Variants in SLC27A6 observed in about 807,000 individuals in gnomAD.
SLC27A6 encodes long-chain fatty acid transport protein 6.
In SLC27A6, 74 loss-of-function variants were observed where a neutral mutation model predicts 63.9. That is an observed-to-expected ratio of 1.16 (90% CI 0.96 to 1.40). SLC27A6 has a LOEUF of 1.40. Among genes scored for constraint, SLC27A6 ranks in the 40% most tolerant of loss-of-function variants. The probability of loss-of-function intolerance (pLI) is 0.00; values close to 1 mark genes in which losing one functional copy is unlikely to be tolerated. For synonymous variants in SLC27A6, 287 were observed against 260.8 expected, an observed-to-expected ratio of 1.10 and a Z score of -0.97; for missense variants, 794 against 732.9, an observed-to-expected ratio of 1.08 and a Z score of -0.96.
At position 129,009,474 on chromosome 5, in the gene SLC27A6, C is replaced by A. The variant is rs574937367; in HGVS notation, c.970-6411C>A. ...TGATAGTTTAAAAATATGTTTATAACCAGTTTTTAAAGTATTGTAAAGAAG... is the reference window on the plus strand; with the variant it reads ...TGATAGTTTAAAAATATGTTTATAAACAGTTTTTAAAGTATTGTAAAGAAG... On this transcript the variant is annotated intron_variant, in intron 4 of 9. Coordinates refer to ENST00000262462, the MANE Select transcript of SLC27A6 (RefSeq NM_001017372.3). Among the ~76,000 whole-genome samples the A allele has an allele frequency of 2.6e-5, 4 of 152,122 alleles. No homozygotes were observed. In the East Asian group the frequency reaches 7.7e-4, roughly 29 times the overall value.
rs146618122 is a variant in SLC27A6, at chr5:128,982,094, A to G, written c.482-3039A>G. Among the ~76,000 whole-genome samples the G allele has an allele frequency of 2.4e-3, 370 of 152,252 alleles. 2 individuals are homozygous for G. The highest frequency in any genetic ancestry group is 8.5e-3 in the African/African-American group (354 of 41,560). On this transcript the variant is annotated intron_variant, in intron 1 of 9. Coordinates refer to ENST00000262462, the MANE Select transcript of SLC27A6 (RefSeq NM_001017372.3). ...CTCCTAAGGTGCTGGGATTACAGGC[A>G]TGAGCCACCACGCCTGGCCAAGATT...
intron 7 of SLC27A6, 32 bp downstream of exon 7, chr5:129,027,363 C>G (rs914202281): frequency 1.7e-5 from 25 of 1,510,772 alleles, no homozygotes; most frequent in Non-Finnish European, 2.2e-5. Flanking sequence ...ATAGCTTGTT[C>G]TGTAATTGTG....
At chr5:129,031,311 A>C (rs1752407287) in intron 9 of SLC27A6, among the ~76,000 whole-genome samples, 1 of 152,032 alleles carries the variant, frequency 6.6e-6, no homozygotes, top group Non-Finnish European at 1.5e-5. Context: ...GCAAAAGTAA[A>C]AGTTACTTCT....
chr5:129,009,995 A>G (rs537795206), intron 4 of SLC27A6, among the ~76,000 whole-genome samples: 1 of 152,296 alleles, frequency 6.6e-6, no homozygotes, highest in Non-Finnish European at 1.5e-5. Flanking sequence ...TCTTAATAAG[A>G]TTTAATAACA....
At chr5:128,987,637 T>A (rs1750834245) in intron 2 of SLC27A6, among the ~76,000 whole-genome samples, 1 of 152,046 alleles carries the variant, frequency 6.6e-6, no homozygotes, top group South Asian at 2.1e-4. Flanking sequence ...AAAAGAGGAA[T>A]ATTCAGAGAA....
At chr5:128,990,156 A>G (rs1369992781) in intron 3 of SLC27A6, among the ~76,000 whole-genome samples, 184 bp from the exon 4 acceptor site, 1 of 152,222 alleles carries the variant, frequency 6.6e-6, no homozygotes, top group Admixed American at 6.5e-5. Flanking sequence ...ACAATATTTT[A>G]ACAGAGTTTT....
chr5:128,970,367 C>A (rs184138597), intron 1 of SLC27A6, among the ~76,000 whole-genome samples: 1 of 151,948 alleles, frequency 6.6e-6, no homozygotes, highest in Non-Finnish European at 1.5e-5. Context: ...TGGTAGAATT[C>A]GTTGTGAACC....
chr5:129,008,863 T>A lies in SLC27A6; in HGVS notation c.970-7022T>A, dbSNP rs575050918. Among the ~76,000 whole-genome samples the A allele has an allele frequency of 1.4e-4, 21 of 146,792 alleles. No homozygotes were observed. The South Asian group carries it at 4.4e-3, about 31-fold the overall frequency. ...TCTTGGCTATCTTATTATTTTCAAT[T>A]GATTTTTTTTTTTTTTTTTTTTTGA... On this transcript the variant is annotated intron_variant, in intron 4 of 9. Transcript: ENST00000262462.
At chr5:128,998,699 G>A (rs1751238778) in intron 4 of SLC27A6, among the ~76,000 whole-genome samples, 1 of 152,016 alleles carries the variant, frequency 6.6e-6, no homozygotes. Context: ...TTATGTCCAG[G>A]ATTATTTCTT....
intron 1 of SLC27A6, 55 bp downstream of exon 1, chr5:128,966,673 AC>A (rs200235929): frequency 1.8e-4 from 247 of 1,363,972 alleles, no homozygotes; most frequent in South Asian, 3.8e-4. Context: ...CTGCTTTCAT[AC>A]CCTTTTTTTT....
chr5:129,007,685 TCTC>T (rs1751591383), intron 4 of SLC27A6, among the ~76,000 whole-genome samples: 1 of 151,986 alleles, frequency 6.6e-6, no homozygotes, highest in Non-Finnish European at 1.5e-5. Context: ...TCCATCTCCC[TCTC>T]CTCAATAAGA....
In SLC27A6 at chr5:129,015,402, G is replaced by A. The variant is rs182846087; in HGVS notation, c.970-483G>A. On this transcript the variant is annotated intron_variant, in intron 4 of 9. Coordinates refer to ENST00000262462, the MANE Select transcript of SLC27A6 (RefSeq NM_001017372.3). ...TCGTTTACTCTATGTTAAGCACTGC[G>A]TATTAACTATACACTACAGTATATA... Among the ~76,000 whole-genome samples the A allele has an allele frequency of 2.7e-4, 41 of 152,102 alleles. No homozygotes were observed. The East Asian group carries it at 4.4e-3, about 16-fold the overall frequency.
Position 128,985,284 on chromosome 5 carries a change from T to G in SLC27A6, c.633T>G (p.Val211=). ...PDEPVPRSHH[V]VSLLKSTCLY... ...AGCCCGTGCCACGCAGCCACCATGT[T>G]GTCTCACTCCTCAAGTCTACTTGTC... Residue 211 remains valine, a synonymous_variant, in exon 2 of 10, where the codon GTT becomes GTG. Coordinates refer to ENST00000262462, the MANE Select transcript of SLC27A6 (RefSeq NM_001017372.3). The G allele has an allele frequency of 6.2e-7, 1 of 1,614,154 alleles. No homozygotes were observed. The highest frequency in any genetic ancestry group is 8.5e-7 in the Non-Finnish European group (1 of 1,180,022).
At chr5:129,020,493 T>TGG (rs35399008) in intron 5 of SLC27A6, among the ~76,000 whole-genome samples, 6 of 151,148 alleles carry the variant, frequency 4.0e-5, no homozygotes, top group Admixed American at 2.6e-4. Flanking sequence ...AAAATGGGAG[T>TGG]GGGGGGGAGG....
chr5:128,968,844 T>C (rs1424179164), intron 1 of SLC27A6, among the ~76,000 whole-genome samples: 1 of 152,214 alleles, frequency 6.6e-6, no homozygotes, highest in Non-Finnish European at 1.5e-5. Context: ...TGCCCATGCC[T>C]ATGTCCTGAA....
At chr5:128,978,314 G>T (rs1750461678) in intron 1 of SLC27A6, among the ~76,000 whole-genome samples, 1 of 152,172 alleles carries the variant, frequency 6.6e-6, no homozygotes, top group South Asian at 2.1e-4. Flanking sequence ...TAGAGACCAT[G>T]TTTTGAGTCT....
intron 4 of SLC27A6, among the ~76,000 whole-genome samples, chr5:129,002,837 T>C (rs1220880274): frequency 6.6e-6 from 1 of 152,220 alleles, no homozygotes; most frequent in Admixed American, 6.5e-5. Context: ...AATACAATAC[T>C]TTGATATGGG....
intron 4 of SLC27A6, among the ~76,000 whole-genome samples, chr5:129,001,221 G>A (rs1014979960): frequency 1.3e-5 from 2 of 152,066 alleles, no homozygotes; most frequent in Non-Finnish European, 2.9e-5. Flanking sequence ...CTTAAAAGAA[G>A]TGCATACTCT....
At chr5:128,994,832 C>T (rs1449066561) in intron 4 of SLC27A6, among the ~76,000 whole-genome samples, 4 of 152,116 alleles carry the variant, frequency 2.6e-5, no homozygotes, top group Admixed American at 6.6e-5. Flanking sequence ...CTTTCTATGG[C>T]CAGAAGCATT....
Sources: gnomAD v4.1 joint callset for allele counts (sites outside exome capture counted in the v4.1 genomes callset) on GRCh38, gnomAD v4.1.1 for gene constraint, MANE v1.5 for transcripts, NCBI Gene and HGNC (gene_info 2026-07-23, HGNC 2026-07-21) for gene names.